ARHGAP24: variants seen among roughly 807,000 people sequenced by gnomAD.
The protein encoded by ARHGAP24 is rho GTPase-activating protein 24.
A neutral mutation model predicts 76.4 loss-of-function variants in ARHGAP24; 50 were observed. The ratio of observed to expected loss-of-function variants is 0.65; its 90% confidence interval spans 0.52 to 0.83. The LOEUF (loss-of-function observed/expected upper bound fraction) is 0.83, where lower values mean the gene tolerates loss of function less well. Ranked by LOEUF, ARHGAP24 falls within the 40% of genes least tolerant of loss-of-function variation. The pLI, the probability that ARHGAP24 is intolerant of heterozygous loss-of-function variation, is 0.00. For synonymous variants in ARHGAP24, 345 were observed against 323.3 expected, an observed-to-expected ratio of 1.07 and a Z score of -0.72; for missense variants, 930 against 914.2, an observed-to-expected ratio of 1.02 and a Z score of -0.22.
intron 1 of ARHGAP24, among the ~76,000 whole-genome samples, chr4:85,536,965 C>A (rs935191491): frequency 2.6e-5 from 4 of 152,052 alleles, no homozygotes; most frequent in African/African-American, 9.7e-5. Context: ...CTACTGTGGA[C>A]AATATGGGAG....
At chr4:85,506,901 T>TCC (rs5859976) in intron 1 of ARHGAP24, among the ~76,000 whole-genome samples, 13 of 151,846 alleles carry the variant, frequency 8.6e-5, no homozygotes, top group South Asian at 2.1e-4. Flanking sequence ...CCTTTTTTTT[T>TCC]CCCCCCATGT....
chr4:85,839,843 C>CTTTTTTTTTTTTTTTTTT (rs33974767), intron 3 of ARHGAP24, among the ~76,000 whole-genome samples: 3 of 105,628 alleles, frequency 2.8e-5, no homozygotes, highest in Non-Finnish European at 5.4e-5. Flanking sequence ...TTTCTGTTTT[C>CTTTTTTTTTTTTTTTTTT]TTTTTTTTTT....
At chr4:85,608,022 G>C (rs186613691) in intron 2 of ARHGAP24, among the ~76,000 whole-genome samples, 1 of 152,152 alleles carries the variant, frequency 6.6e-6, no homozygotes, top group Admixed American at 6.5e-5. Flanking sequence ...GTAGGGGAAA[G>C]CTAAGGAGCG....
intron 3 of ARHGAP24, among the ~76,000 whole-genome samples, chr4:85,843,804 A>G (rs1730727739): frequency 6.6e-6 from 1 of 152,166 alleles, no homozygotes; most frequent in Non-Finnish European, 1.5e-5. Context: ...GTAATATAAT[A>G]TTTAAAACCA....
chr4:85,516,710 A>G (rs532006854), intron 1 of ARHGAP24, among the ~76,000 whole-genome samples: 228 of 148,938 alleles, frequency 1.5e-3, no homozygotes, highest in African/African-American at 5.4e-3. Flanking sequence ...TGTTTGGGAT[A>G]CATGTTGCAG....
At chr4:85,482,141 C>A (rs1438637821) in intron 1 of ARHGAP24, among the ~76,000 whole-genome samples, 1 of 152,188 alleles carries the variant, frequency 6.6e-6, no homozygotes, top group Non-Finnish European at 1.5e-5. Context: ...CTGATGTTAT[C>A]TTCTTGCAAC....
At chr4:85,843,619 T>C (rs1304195243) in intron 3 of ARHGAP24, among the ~76,000 whole-genome samples, 2 of 152,104 alleles carry the variant, frequency 1.3e-5, no homozygotes, top group Non-Finnish European at 2.9e-5. Context: ...TATCAACGTA[T>C]TTTGTGTGTG....
At chr4:85,585,351 C>T (rs1003594676) in intron 2 of ARHGAP24, among the ~76,000 whole-genome samples, 2 of 152,240 alleles carry the variant, frequency 1.3e-5, no homozygotes, top group Non-Finnish European at 2.9e-5. Context: ...GTGCCATGGA[C>T]TGTCTTCTTG....
At chr4:85,808,983 T>G (rs916317545) in intron 3 of ARHGAP24, among the ~76,000 whole-genome samples, 5 of 152,282 alleles carry the variant, frequency 3.3e-5, no homozygotes, top group Middle Eastern at 6.8e-3. Context: ...ACAGAATTGT[T>G]TACACAATTC....
intron 3 of ARHGAP24, among the ~76,000 whole-genome samples, chr4:85,802,705 C>T (rs770742099): frequency 1.3e-5 from 2 of 152,170 alleles, no homozygotes; most frequent in Non-Finnish European, 2.9e-5. Flanking sequence ...GCAGGAGAAT[C>T]GCTTGAACCC....
intron 2 of ARHGAP24, among the ~76,000 whole-genome samples, chr4:85,580,481 TG>T (rs1727562567): frequency 6.6e-6 from 1 of 152,296 alleles, no homozygotes; most frequent in African/African-American, 2.4e-5. Context: ...TCCTATCACC[TG>T]GGGACCCACT....
At chr4:85,745,257 G>A (rs1338566231) in intron 3 of ARHGAP24, among the ~76,000 whole-genome samples, 1 of 144,008 alleles carries the variant, frequency 6.9e-6, no homozygotes, top group Non-Finnish European at 1.6e-5. Flanking sequence ...TGGGCAAGAT[G>A]GCGAGAGACC....
intron 1 of ARHGAP24, among the ~76,000 whole-genome samples, chr4:85,479,963 C>G (rs1325530006): frequency 1.3e-5 from 2 of 152,164 alleles, no homozygotes; most frequent in Non-Finnish European, 2.9e-5. Flanking sequence ...TCTGAAAAGC[C>G]TGGAACTACT....
intron 3 of ARHGAP24, among the ~76,000 whole-genome samples, chr4:85,908,354 A>G (rs1376081801): frequency 6.6e-6 from 1 of 152,172 alleles, no homozygotes; most frequent in Non-Finnish European, 1.5e-5. Context: ...GTCCTGGTGG[A>G]TAGAAAATAT....
At chr4:85,871,995 G>A (rs913298221) in intron 3 of ARHGAP24, among the ~76,000 whole-genome samples, 3 of 151,368 alleles carry the variant, frequency 2.0e-5, no homozygotes, top group Non-Finnish European at 2.9e-5. Context: ...TTAAACTAGA[G>A]ATTTAACCAA....
chr4:85,797,571 T>C (rs1243142759), intron 3 of ARHGAP24, among the ~76,000 whole-genome samples: 1 of 152,250 alleles, frequency 6.6e-6, no homozygotes, highest in Non-Finnish European at 1.5e-5. Context: ...ATTCAAATGA[T>C]GTTAGCAGGA....
rs1227663830 is a variant in ARHGAP24, at chr4:85,649,053, A to T, written c.181-72832A>T. On this transcript the variant is annotated intron_variant, in intron 2 of 9. Coordinates refer to ENST00000395184, the MANE Select transcript of ARHGAP24 (RefSeq NM_001025616.3). ...TGTGTGTGTTTGTGTGTGTGTGCTTATATTCTATTTCTGAGAGCAAAATGC... is the reference window on the plus strand; with the variant it reads ...TGTGTGTGTTTGTGTGTGTGTGCTTTTATTCTATTTCTGAGAGCAAAATGC... Among the ~76,000 whole-genome samples the T allele has an allele frequency of 3.5e-5, 5 of 143,068 alleles. No homozygotes were observed. The East Asian group carries it at 9.7e-4, about 28-fold the overall frequency. 93.9% of individuals were successfully genotyped at this position (143,068 alleles called of 152,430 possible). A position where few individuals can be genotyped will look rare whatever the true frequency, so the allele number is the denominator to read the frequency against.
chr4:85,476,203 T>A (rs1722591577), intron 1 of ARHGAP24, among the ~76,000 whole-genome samples: 2 of 151,928 alleles, frequency 1.3e-5, no homozygotes, highest in Non-Finnish European at 2.9e-5. Context: ...ATGATAAACA[T>A]GTAATATGGT....
At chr4:85,754,866 G>C (rs776114488) in intron 3 of ARHGAP24, among the ~76,000 whole-genome samples, 3 of 152,120 alleles carry the variant, frequency 2.0e-5, no homozygotes, top group African/African-American at 7.2e-5. Flanking sequence ...TAATTTTTTG[G>C]TTCCTCTGTT....
Sources: allele counts gnomAD v4.1 joint callset (sites outside exome capture counted in the v4.1 genomes callset), GRCh38; gene constraint gnomAD v4.1.1; transcripts MANE v1.5; gene names NCBI Gene and HGNC (gene_info 2026-07-23, HGNC 2026-07-21).